EFHC2: variants seen among roughly 807,000 people sequenced by gnomAD.
The protein encoded by EFHC2 is EF-hand domain-containing family member C2.
In EFHC2, 18 loss-of-function variants were observed where a neutral mutation model predicts 52.7. The ratio of observed to expected loss-of-function variants is 0.34; its 90% CI spans 0.24 to 0.51. EFHC2 has a LOEUF of 0.51. EFHC2 is among the 20% of genes least tolerant of loss of function. The probability of loss-of-function intolerance (pLI) is 0.97; values close to 1 mark genes in which losing one functional copy is unlikely to be tolerated. For missense variants in EFHC2, 513 were observed against 562.5 expected (o/e 0.91, Z 0.89); for synonymous variants, 203 against 204.1 (o/e 0.99, Z 0.04).
chrX:44,178,129 T>TAACACACACA (rs1556000435), intron 12 of EFHC2, among the ~76,000 whole-genome samples: 20 of 83,951 alleles, frequency 2.4e-4, no homozygotes, highest in African/African-American at 9.4e-4. Flanking sequence ...AGATGCCATA[T>TAACACACACA]CACACACACA....
At chrX:44,187,135 G>GTGTATA (rs1556001678) in intron 11 of EFHC2, among the ~76,000 whole-genome samples, 1 of 61,736 alleles carries the variant, frequency 1.6e-5, no homozygotes, top group African/African-American at 8.2e-5. Flanking sequence ...AAACAAAATG[G>GTGTATA]TATATATATA....
intron 1 of EFHC2, 52 bp downstream of exon 1, chrX:44,343,495 G>A: frequency 8.6e-7 from 1 of 1,165,351 alleles, no homozygotes; most frequent in Non-Finnish European, 1.2e-6. Flanking sequence ...GACCCTGCCT[G>A]GACCCCAGAC....
chrX:44,165,192 C>G (rs2036687225), intron 13 of EFHC2, among the ~76,000 whole-genome samples: 1 of 111,320 alleles, frequency 9.0e-6, no homozygotes, highest in Admixed American at 9.6e-5. Flanking sequence ...TCTCAAAGTA[C>G]TAAAAAATTA....
intron 8 of EFHC2, among the ~76,000 whole-genome samples, chrX:44,237,405 CA>C (rs1345677236): frequency 3.6e-5 from 4 of 111,895 alleles, no homozygotes; most frequent in Non-Finnish European, 7.5e-5. Context: ...AGGCCACACC[CA>C]ATTTAGCTCT....
At chrX:44,165,574 C>T (rs754051916) in intron 13 of EFHC2, among the ~76,000 whole-genome samples, 1 of 111,644 alleles carries the variant, frequency 9.0e-6, no homozygotes, top group African/African-American at 3.2e-5. Context: ...TCATAATAAA[C>T]TTTTTTTTAG....
chrX:44,327,124 G>A (rs1268976333), intron 1 of EFHC2, among the ~76,000 whole-genome samples: 1 of 111,646 alleles, frequency 9.0e-6, no homozygotes, highest in African/African-American at 3.3e-5. Flanking sequence ...CAACACCTGA[G>A]CCCTTAAGCA....
intron 14 of EFHC2, among the ~76,000 whole-genome samples, chrX:44,150,444 TAGA>T (rs1178888440): frequency 1.8e-5 from 2 of 111,716 alleles, no homozygotes; most frequent in African/African-American, 3.3e-5. Flanking sequence ...GAGAGATGGT[TAGA>T]AGGAGAAGCT....
intron 1 of EFHC2, among the ~76,000 whole-genome samples, chrX:44,313,109 A>AAGAAAG (rs772813566): frequency 3.8e-5 from 4 of 105,046 alleles, no homozygotes; most frequent in African/African-American, 1.1e-4. Flanking sequence ...AAAAAAAAAA[A>AAGAAAG]AAAGAAAGAA....
At chrX:44,170,130 T>G (rs2036733078) in intron 13 of EFHC2, among the ~76,000 whole-genome samples, 1 of 111,436 alleles carries the variant, frequency 9.0e-6, no homozygotes. Flanking sequence ...TTAAGGAGTG[T>G]AAAAAGCAGA....
chrX:44,241,409 TCAAC>T (rs1470698032), intron 8 of EFHC2, among the ~76,000 whole-genome samples: 2 of 112,102 alleles, frequency 1.8e-5, no homozygotes, highest in Non-Finnish European at 3.8e-5. Context: ...GTTACTGAAC[TCAAC>T]CAACCTCTCA....
In EFHC2 at chrX:44,272,540, C is replaced by T. The variant is rs145705760; in HGVS notation, c.382+146G>A. 2.6e-3 allele frequency: 1,452 copies of T among 550,543 alleles called. 20 individuals carry two copies. In the African/African-American group the frequency reaches 0.031, roughly 12 times the overall value. The allele number at this position is 550,543 out of a possible 1,213,427, so 45.4% of individuals were successfully genotyped here. ...TGGTAAGTCACAATCAATAACTACA[C>T]GCTAATGGCATGTTTATATTCACCA... On this transcript the variant is annotated intron_variant, in intron 3 of 14. Coordinates refer to ENST00000420999, the MANE Select transcript of EFHC2 (RefSeq NM_025184.4).
chrX:44,173,858 A>G (rs980122345), intron 13 of EFHC2, among the ~76,000 whole-genome samples: 8 of 112,130 alleles, frequency 7.1e-5, no homozygotes, highest in African/African-American at 2.6e-4. Context: ...TCAGCACTGG[A>G]TAAGAAACAT....
chrX:44,294,458 A>G (rs2037814130), intron 2 of EFHC2, among the ~76,000 whole-genome samples: 1 of 111,197 alleles, frequency 9.0e-6, no homozygotes, highest in Admixed American at 9.6e-5. Flanking sequence ...TTTGTTCTAT[A>G]ATTCTAGTAA....
At chrX:44,170,002 A>G (rs1342440151) in intron 13 of EFHC2, among the ~76,000 whole-genome samples, 1 of 111,799 alleles carries the variant, frequency 8.9e-6, no homozygotes, top group Non-Finnish European at 1.9e-5. Flanking sequence ...CTTCTTGTGA[A>G]TGGGTCTGGG....
At chrX:44,284,419 G>A (rs917569369) in intron 2 of EFHC2, 1 of 111,863 alleles carries the variant, frequency 8.9e-6, no homozygotes, top group African/African-American at 3.3e-5. Context: ...ACAAGTTCCA[G>A]AGCAGGAAGG....
chrX:44,190,793 A>ACATC (rs891423678), intron 11 of EFHC2, among the ~76,000 whole-genome samples: 15 of 110,050 alleles, frequency 1.4e-4, no homozygotes, highest in African/African-American at 4.6e-4. Context: ...GTTTCTTCTC[A>ACATC]CATCCCAAAG....
intron 1 of EFHC2, among the ~76,000 whole-genome samples, chrX:44,316,117 C>T (rs773967961): frequency 2.7e-5 from 3 of 111,627 alleles, no homozygotes; most frequent in Non-Finnish European, 3.8e-5. Flanking sequence ...CCCTTGCCAC[C>T]GTTGAAGGCC....
chrX:44,209,879 C>T (rs756978637), intron 11 of EFHC2, among the ~76,000 whole-genome samples: 39 of 110,164 alleles, frequency 3.5e-4, no homozygotes, highest in South Asian at 2.0e-3. Context: ...ACTGTGCATG[C>T]GAGGGATCTA....
At chrX:44,183,410 C>T (rs2036850066) in intron 11 of EFHC2, among the ~76,000 whole-genome samples, 1 of 112,028 alleles carries the variant, frequency 8.9e-6, no homozygotes, top group Non-Finnish European at 1.9e-5. Context: ...AAACCCTTGC[C>T]GTATTGCCAC....
Sources: gnomAD v4.1 joint callset for allele counts (sites outside exome capture counted in the v4.1 genomes callset) on GRCh38, gnomAD v4.1.1 for gene constraint, MANE v1.5 for transcripts, NCBI Gene and HGNC (gene_info 2026-07-23, HGNC 2026-07-21) for gene names.